Variants in FOXK1 observed in about 807,000 individuals in gnomAD.
The protein encoded by FOXK1 is forkhead box protein K1.
A neutral mutation model predicts 51.9 loss-of-function variants in FOXK1; 19 were observed. The observed-to-expected ratio is 0.37, with a 90% CI of 0.26 to 0.54. The LOEUF (loss-of-function observed/expected upper bound fraction) is 0.54. Among genes scored for constraint, FOXK1 ranks in the 20% least tolerant of loss-of-function variants. The probability of loss-of-function intolerance (pLI) is 0.87; values close to 1 mark genes in which losing one functional copy is unlikely to be tolerated. For missense variants in FOXK1, 870 were observed against 1,032.7 expected (o/e 0.84, Z 2.16); for synonymous variants, 537 against 482.6 (o/e 1.11, Z -1.48).
intron 1 of FOXK1, among the ~76,000 whole-genome samples, chr7:4,708,208 A>G (rs1780129514): frequency 6.6e-6 from 1 of 152,086 alleles, no homozygotes; most frequent in Non-Finnish European, 1.5e-5. Flanking sequence ...TTTGGTGCTG[A>G]TGCTGTGTGG....
chr7:4,750,923 C>A (rs1275524850), intron 2 of FOXK1, among the ~76,000 whole-genome samples: 1 of 151,830 alleles, frequency 6.6e-6, no homozygotes, highest in African/African-American at 2.4e-5. Context: ...AGGCTGGTCT[C>A]GAACTCCTGA....
chr7:4,740,392 T>C (rs1055534021), intron 1 of FOXK1, among the ~76,000 whole-genome samples: 1 of 146,490 alleles, frequency 6.8e-6, no homozygotes. Flanking sequence ...ATCGTGTCCC[T>C]GCACTCCAGC....
chr7:4,738,134 A>C (rs1780579711), intron 1 of FOXK1, among the ~76,000 whole-genome samples: 1 of 149,964 alleles, frequency 6.7e-6, no homozygotes, highest in South Asian at 2.1e-4. Flanking sequence ...AAAAGAGAAA[A>C]AAAAAAAAAA....
In FOXK1 at chr7:4,735,645, G is replaced by A. The variant is rs1780542814; in HGVS notation, c.561-5193G>A. ...CAGGAACCTTTCCGCCGGGCTGGTG[G>A]ACGGAGATTTCTACTCTGTGGACAC... On this transcript the variant is annotated intron_variant, in intron 1 of 8. Transcript: ENST00000328914. The surrounding 1 kb of genome is among the most constrained non-coding windows in gnomAD (Gnocchi z 4.7). Among the ~76,000 whole-genome samples the A allele has an allele frequency of 1.3e-5, 2 of 152,146 alleles. No homozygotes were observed. The highest frequency in any genetic ancestry group is 4.8e-5 in the African/African-American group (2 of 41,420).
At chr7:4,685,933 A>T (rs2115026455) in intron 1 of FOXK1, among the ~76,000 whole-genome samples, 1 of 150,900 alleles carries the variant, frequency 6.6e-6, no homozygotes, top group Admixed American at 6.6e-5. Flanking sequence ...ACAGAGCAAG[A>T]CTCCATCTCA....
intron 2 of FOXK1, among the ~76,000 whole-genome samples, chr7:4,751,546 C>T (rs1780777881): frequency 1.3e-5 from 2 of 152,228 alleles, no homozygotes; most frequent in Non-Finnish European, 2.9e-5. Flanking sequence ...CTCGAGCAGC[C>T]TCTGCTTCCC....
intron 7 of FOXK1, chr7:4,760,001 G>A (rs1780910291): frequency 5.0e-6 from 1 of 199,284 alleles, no homozygotes; most frequent in Non-Finnish European, 1.0e-5. Context: ...CTGCACTCCA[G>A]CCTGGGCGAC....
intron 1 of FOXK1, among the ~76,000 whole-genome samples, chr7:4,697,588 A>G (rs1318844275): frequency 6.6e-6 from 1 of 152,150 alleles, no homozygotes; most frequent in Non-Finnish European, 1.5e-5. Flanking sequence ...ACTCTTCCAC[A>G]TCAGTGCGTT....
chr7:4,705,069 T>A (rs761143897), intron 1 of FOXK1, among the ~76,000 whole-genome samples: 6 of 151,884 alleles, frequency 4.0e-5, no homozygotes, highest in Non-Finnish European at 8.8e-5. Context: ...TGACCTCAGG[T>A]GATCTGCCCG....
In FOXK1 at chr7:4,750,253, A is replaced by T. The variant is rs114046273; in HGVS notation, c.747-4206A>T. ...TGTCACTGTCCAGCCTCTGCGTCCCACACCTGGGCAGCTAGGGACTGGGGG... is the reference window on the plus strand; with the variant it reads ...TGTCACTGTCCAGCCTCTGCGTCCCTCACCTGGGCAGCTAGGGACTGGGGG... On this transcript the variant is annotated intron_variant, in intron 2 of 8. Coordinates refer to ENST00000328914, the MANE Select transcript of FOXK1 (RefSeq NM_001037165.2). Among the ~76,000 whole-genome samples the T allele has an allele frequency of 9.9e-3, 1,511 of 151,986 alleles. 27 individuals are homozygous for T. Among genetic ancestry groups the T allele is most frequent in the African/African-American group, 0.033 (1,373 of 41,424 alleles).
At chr7:4,700,894 C>T (rs759837799) in intron 1 of FOXK1, among the ~76,000 whole-genome samples, 46 of 152,194 alleles carry the variant, frequency 3.0e-4, no homozygotes, top group African/African-American at 9.7e-4. Flanking sequence ...CACATACATG[C>T]GTCTGTGCTG....
chr7:4,699,183 C>A (rs1162834253), intron 1 of FOXK1, among the ~76,000 whole-genome samples: 2 of 152,132 alleles, frequency 1.3e-5, no homozygotes, highest in Non-Finnish European at 2.9e-5. Flanking sequence ...ATGTTCTGGG[C>A]TGGCTCTCCA....
rs912873549 is a variant in FOXK1 at position 4,755,331 on chromosome 7, C to A, written c.998C>A (p.Ala333Asp). 2 of 1,613,796 alleles carry A rather than the reference C, an allele frequency of 1.2e-6. No homozygotes were observed. The highest frequency in any genetic ancestry group is 1.7e-6 in the Non-Finnish European group (2 of 1,180,046). Residue 333 changes from alanine to aspartate, a missense_variant, in exon 4 of 9, where the codon GCC becomes GAC. This residue lies in a region of FOXK1 where 399 missense variants were observed against 475.6 expected (regional missense o/e 0.84). Coordinates refer to ENST00000328914, the MANE Select transcript of FOXK1 (RefSeq NM_001037165.2). The surrounding 1 kb of genome is among the most constrained non-coding windows in gnomAD (Gnocchi z 6.6). ...DRQLTLSGIY[A>D]HITKHYPYYR... Reference sequence around the variant, plus strand: ...CAGCTGACCCTGAGCGGGATCTACGCCCACATCACCAAGCATTACCCCTAC... The same window carrying A: ...CAGCTGACCCTGAGCGGGATCTACGACCACATCACCAAGCATTACCCCTAC...
Position 4,758,871 on chromosome 7 carries a change from T to TG in FOXK1, c.1245-178dup, listed in dbSNP as rs1262471676. 9 of 629,890 alleles carry TG rather than the reference T, an allele frequency of 1.4e-5. No homozygotes were observed. Among genetic ancestry groups the TG allele is most frequent in the Non-Finnish European group, 2.2e-5 (8 of 370,002 alleles). 39.0% of individuals were successfully genotyped at this position (629,890 alleles called of 1,614,324 possible). A position where few individuals can be genotyped will look rare whatever the true frequency, so the allele number is the denominator to read the frequency against. ...CTCCCCCATGCAGCCCCCACTCAAA[T>TG]GGAGTTTTAAAGGCTGGGTTCAGGT... On this transcript the variant is annotated intron_variant, in intron 5 of 8. Coordinates refer to ENST00000328914, the MANE Select transcript of FOXK1 (RefSeq NM_001037165.2). This position sits in a 1 kb window ranked among gnomAD's most constrained non-coding sequence, Gnocchi z 4.4.
intron 1 of FOXK1, among the ~76,000 whole-genome samples, chr7:4,684,867 C>G (rs916080942): frequency 6.6e-6 from 1 of 151,872 alleles, no homozygotes; most frequent in Admixed American, 6.6e-5. Flanking sequence ...AAAATTTCAA[C>G]CTCAGATCGT....
intron 1 of FOXK1, among the ~76,000 whole-genome samples, chr7:4,700,101 T>A (rs1022256028): frequency 2.6e-5 from 4 of 152,228 alleles, no homozygotes; most frequent in Non-Finnish European, 5.9e-5. Flanking sequence ...GGTGCCTGGC[T>A]GAGCTTAGGT....
intron 2 of FOXK1, among the ~76,000 whole-genome samples, chr7:4,744,603 A>G (rs1251207972): frequency 6.6e-6 from 1 of 152,200 alleles, no homozygotes; most frequent in Non-Finnish European, 1.5e-5. Flanking sequence ...TATAGCTGGG[A>G]GTAAAGAAAT....
chr7:4,759,955 C>T (rs1323197549), intron 7 of FOXK1: 2 of 308,472 alleles, frequency 6.5e-6, no homozygotes, highest in African/African-American at 4.4e-5. Context: ...CGCTTGAAGC[C>T]TGGAGGCAGA....
At chr7:4,726,015 CT>C (rs397728478) in intron 1 of FOXK1, among the ~76,000 whole-genome samples, 2,502 of 147,928 alleles carry the variant, frequency 0.017, 57 homozygotes, top group African/African-American at 0.056. Flanking sequence ...ACAAACAGAA[CT>C]TTTTTTTTTT....
Sources: gnomAD v4.1 joint callset for allele counts (sites outside exome capture counted in the v4.1 genomes callset) on GRCh38, gnomAD v4.1.1 for gene constraint, gnomAD v4.1.1 regional missense constraint, Gnocchi (gnomAD v3.1) non-coding constraint, MANE v1.5 for transcripts, NCBI Gene and HGNC (gene_info 2026-07-23, HGNC 2026-07-21) for gene names.